The following CDC42SE2 variants were observed in gnomAD, a reference collection of about 807,000 sequenced individuals.
CDC42SE2 encodes CDC42 small effector protein 2.
In CDC42SE2, 3 loss-of-function variants were observed where a neutral mutation model predicts 11.5. The ratio of observed to expected loss-of-function variants is 0.26; its 90% confidence interval spans 0.12 to 0.67. CDC42SE2 has a LOEUF of 0.67. Ranked by LOEUF, CDC42SE2 falls within the 30% of genes least tolerant of loss-of-function variation. The pLI is 0.80. For missense variants in CDC42SE2, 82 were observed against 106.8 expected (o/e 0.77, Z 1.02); for synonymous variants, 33 against 34.8 (o/e 0.95, Z 0.18).
intron 1 of CDC42SE2, among the ~76,000 whole-genome samples, chr5:131,286,573 A>C (rs1295868692): frequency 6.6e-6 from 1 of 151,632 alleles, no homozygotes; most frequent in Non-Finnish European, 1.5e-5. Context: ...ATGGGTTTGA[A>C]CCGTGCAATT....
chr5:131,292,096 A>T (rs1353700690), intron 1 of CDC42SE2, among the ~76,000 whole-genome samples: 1 of 151,634 alleles, frequency 6.6e-6, no homozygotes, highest in Non-Finnish European at 1.5e-5. Context: ...AAAATTAGCT[A>T]GGCATGGTGG....
At chr5:131,278,713 TCCCCTCCCCTCC>T (rs1561569796) in intron 1 of CDC42SE2, among the ~76,000 whole-genome samples, 23 of 32,176 alleles carry the variant, frequency 7.1e-4, no homozygotes, top group Non-Finnish European at 1.1e-3. Context: ...TCCTTTCCTC[TCCCCTCCCCTCC>T]CCCCTCCCCT....
At chr5:131,344,998 C>T (rs1267286528) in intron 2 of CDC42SE2, among the ~76,000 whole-genome samples, 10 of 152,128 alleles carry the variant, frequency 6.6e-5, no homozygotes, top group South Asian at 6.2e-4. Flanking sequence ...CCCATCTGTA[C>T]GTCACCATAT....
rs534582109 is a variant in CDC42SE2 at position 131,328,993 on chromosome 5, A to AGCTCCCCT, written c.-286+12852_-286+12859dup. Among the ~76,000 whole-genome samples, 150 of 152,344 alleles carry AGCTCCCCT rather than the reference A, an allele frequency of 9.8e-4. No individual in the cohort carries two copies. In the Middle Eastern group the frequency reaches 0.014, roughly 14 times the overall value. On this transcript the variant is annotated intron_variant, in intron 2 of 4. Coordinates refer to ENST00000505065, the MANE Select transcript of CDC42SE2 (RefSeq NM_001375635.1). ...GATTATAACTCACTACCAGCCCTGT[A>AGCTCCCCT]GCTCCCCTGCCCCTTGTACAAGGTG...
At chr5:131,221,231 C>G in the CDC42SE2 span, among the ~76,000 whole-genome samples, 1 of 152,076 alleles carries the variant, frequency 6.6e-6, no homozygotes. Flanking sequence ...ACATGCAGCA[C>G]AGGATGACTT....
the CDC42SE2 span, among the ~76,000 whole-genome samples, chr5:131,215,618 A>T: frequency 2.0e-5 from 3 of 152,176 alleles, no homozygotes; most frequent in Non-Finnish European, 4.4e-5. Context: ...AGCCACACTC[A>T]AGCTAAAATC....
At chr5:131,214,247 C>A in the CDC42SE2 span, among the ~76,000 whole-genome samples, 16 of 152,136 alleles carry the variant, frequency 1.1e-4, no homozygotes, top group African/African-American at 3.6e-4. Flanking sequence ...GTGACATGTG[C>A]CTGTAGTCCT....
intron 1 of CDC42SE2, among the ~76,000 whole-genome samples, chr5:131,251,780 G>A (rs943300539): frequency 6.6e-5 from 10 of 152,130 alleles, no homozygotes; most frequent in Non-Finnish European, 1.0e-4. Context: ...TTGGGATTCC[G>A]AAGAGGGTGG....
intron 1 of CDC42SE2, among the ~76,000 whole-genome samples, chr5:131,307,522 A>T (rs1430233776): frequency 6.6e-6 from 1 of 152,084 alleles, no homozygotes; most frequent in Non-Finnish European, 1.5e-5. Flanking sequence ...TGCCGCAGTA[A>T]ACATACGTGT....
chr5:131,220,866 G>C, the CDC42SE2 span, among the ~76,000 whole-genome samples: 27 of 151,122 alleles, frequency 1.8e-4, no homozygotes, highest in Non-Finnish European at 1.9e-4. Context: ...ACGTCTATAG[G>C]AGTACCTCAC....
intron 1 of CDC42SE2, among the ~76,000 whole-genome samples, chr5:131,252,172 G>T (rs138759409): frequency 6.6e-6 from 1 of 152,104 alleles, no homozygotes; most frequent in East Asian, 1.9e-4. Flanking sequence ...AAGGTTACAA[G>T]AAGCTTATCA....
At chr5:131,218,870 G>A in the CDC42SE2 span, among the ~76,000 whole-genome samples, 2 of 152,086 alleles carry the variant, frequency 1.3e-5, no homozygotes, top group Admixed American at 6.6e-5. Flanking sequence ...AAATTTGTTG[G>A]TTGTGTGCTT....
chr5:131,344,567 A>T (rs544279691), intron 2 of CDC42SE2, among the ~76,000 whole-genome samples: 3 of 152,146 alleles, frequency 2.0e-5, no homozygotes, highest in Admixed American at 6.5e-5. Flanking sequence ...GACTCCACCT[A>T]TGGGGGCAGG....
chr5:131,394,074 A>G lies in CDC42SE2; in HGVS notation c.*2983A>G, dbSNP rs1001082514. 4 of 152,332 alleles carry G rather than the reference A, an allele frequency of 2.6e-5. No individual in the cohort carries two copies. The highest frequency in any genetic ancestry group is 4.4e-5 in the Non-Finnish European group (3 of 68,022). 9.4% of individuals were successfully genotyped at this position (152,332 alleles called of 1,614,324 possible). ...TGGACATAATTTTTTTTAGGGAGGCAGCTTTCCCACTTTTATAAAGGGGGT... is the reference window on the plus strand; with the variant it reads ...TGGACATAATTTTTTTTAGGGAGGCGGCTTTCCCACTTTTATAAAGGGGGT... On this transcript the variant is annotated 3_prime_UTR_variant, in exon 5 of 5. Transcript: ENST00000505065.
At chr5:131,382,553 A>G (rs1054233975) in intron 3 of CDC42SE2, among the ~76,000 whole-genome samples, 2 of 152,206 alleles carry the variant, frequency 1.3e-5, no homozygotes, top group African/African-American at 4.8e-5. Context: ...GGGTTGATCA[A>G]GACTCCTCCT....
chr5:131,351,534 G>A (rs758124892), intron 2 of CDC42SE2, among the ~76,000 whole-genome samples: 9 of 152,078 alleles, frequency 5.9e-5, no homozygotes, highest in South Asian at 2.1e-4. Context: ...GATTACAGGC[G>A]TGAGCCACCG....
At chr5:131,251,512 T>A (rs1253791978) in intron 1 of CDC42SE2, among the ~76,000 whole-genome samples, 1 of 152,206 alleles carries the variant, frequency 6.6e-6, no homozygotes, top group Admixed American at 6.5e-5. Flanking sequence ...TCTTTGCATT[T>A]AACATGCTTT....
At chr5:131,264,920 A>T (rs1415545396) in intron 1 of CDC42SE2, among the ~76,000 whole-genome samples, 1 of 152,144 alleles carries the variant, frequency 6.6e-6, no homozygotes, top group Admixed American at 6.5e-5. Flanking sequence ...AAGCTTTTTT[A>T]GGGGAATTTT....
chr5:131,313,005 C>T lies in CDC42SE2; in HGVS notation c.-454-2971C>T, dbSNP rs186509531. ...TTTTCTTTTCTTTTTTTTTTTTAGA[C>T]GGAGTCTTGCTCTGTCACCCAGGCT... On this transcript the variant is annotated intron_variant, in intron 1 of 4. Transcript: ENST00000505065. Among the ~76,000 whole-genome samples, 1,098 of 150,190 alleles carry T rather than the reference C, an allele frequency of 7.3e-3. 10 individuals carry two copies. Among genetic ancestry groups the T allele is most frequent in the African/African-American group, 0.023 (949 of 40,546 alleles).
Sources: gnomAD v4.1 joint callset for allele counts (sites outside exome capture counted in the v4.1 genomes callset) on GRCh38, gnomAD v4.1.1 for gene constraint, MANE v1.5 for transcripts, NCBI Gene and HGNC (gene_info 2026-07-23, HGNC 2026-07-21) for gene names.